MYRIP: variants seen among roughly 807,000 people sequenced by gnomAD.
MYRIP encodes rab effector MyRIP.
A neutral mutation model predicts 98.0 loss-of-function variants in MYRIP; 49 were observed. The observed-to-expected ratio is 0.50, with a 90% CI of 0.40 to 0.63. The LOEUF (loss-of-function observed/expected upper bound fraction) is 0.63, where lower values mean the gene tolerates loss of function less well. MYRIP is among the 30% of genes least tolerant of loss of function. The pLI, the probability that MYRIP is intolerant of heterozygous loss-of-function variation, is 0.00. For synonymous variants in MYRIP, 404 were observed against 409.5 expected (o/e 0.99, Z 0.16); for missense variants, 1,004 against 1,058.2 (o/e 0.95, Z 0.71).
At position 40,033,439 on chromosome 3, in the gene MYRIP, G is replaced by C. The variant is rs188992291; in HGVS notation, c.111-10611G>C. Among the ~76,000 whole-genome samples the C allele has an allele frequency of 7.7e-3, 1,168 of 152,160 alleles. 14 individuals are homozygous for C. Among genetic ancestry groups the C allele is most frequent in the African/African-American group, 0.026 (1,096 of 41,500 alleles). On this transcript the variant is annotated intron_variant, in intron 2 of 16. Coordinates refer to ENST00000302541, the MANE Select transcript of MYRIP (RefSeq NM_015460.4). ...TATACACCAATAACAGACAAACAGA[G>C]ACCCAAATCATGAGTGAACTCCCGT... is the stretch of plus-strand genomic sequence containing the variant.
In MYRIP at chr3:40,258,362, C is replaced by A; in HGVS notation, c.*196C>A. 1 of 559,488 alleles carries A rather than the reference C, an allele frequency of 1.8e-6. No individual in the cohort carries two copies. Among genetic ancestry groups the A allele is most frequent in the Non-Finnish European group, 3.2e-6 (1 of 313,326 alleles). 34.7% of individuals were successfully genotyped at this position (559,488 alleles called of 1,614,324 possible). A position where few individuals can be genotyped will look rare whatever the true frequency, so the allele number is the denominator to read the frequency against. ...CAGACTTCAGCACTGCGGTCTTGCC[C>A]ACTCTCTGCCTTAGGCTCCCAGGGG... On this transcript the variant is annotated 3_prime_UTR_variant, in exon 17 of 17. Coordinates refer to ENST00000302541, the MANE Select transcript of MYRIP (RefSeq NM_015460.4).
chr3:40,079,171 G>T (rs1053285365), intron 3 of MYRIP, among the ~76,000 whole-genome samples: 1 of 152,210 alleles, frequency 6.6e-6, no homozygotes, highest in African/African-American at 2.4e-5. Context: ...GAAGTTGACT[G>T]TTCGAAGATC....
chr3:39,985,270 AAGG>A (rs1946004682), intron 2 of MYRIP, among the ~76,000 whole-genome samples: 1 of 143,196 alleles, frequency 7.0e-6, no homozygotes, highest in South Asian at 2.4e-4. Context: ...GGACCTCTTC[AAGG>A]AGAACTACAA....
At chr3:39,882,678 G>A (rs1425012955) in intron 1 of MYRIP, among the ~76,000 whole-genome samples, 1 of 152,068 alleles carries the variant, frequency 6.6e-6, no homozygotes, top group East Asian at 1.9e-4. Flanking sequence ...GTAAAAGAAC[G>A]TTAATAATAG....
chr3:40,153,186 T>C (rs1179199308), intron 4 of MYRIP, among the ~76,000 whole-genome samples: 1 of 152,184 alleles, frequency 6.6e-6, no homozygotes, highest in Non-Finnish European at 1.5e-5. Flanking sequence ...TTTAATACTA[T>C]TTGTATCTCC....
chr3:39,812,267 C>T lies in MYRIP; in HGVS notation c.-31+2351C>T, dbSNP rs557752546. 2.0e-5 allele frequency among the ~76,000 whole-genome samples: 3 copies of T among 152,260 alleles called. No individual in the cohort carries two copies. In the East Asian group the frequency reaches 5.8e-4, roughly 29 times the overall value. ...TATCAGGTTAGTTTTATTTTTATTA[C>T]TATTGTTATTTATTTTATCATTTTA... is the stretch of plus-strand genomic sequence containing the variant. On this transcript the variant is annotated intron_variant, in intron 1 of 16. Coordinates refer to ENST00000302541, the MANE Select transcript of MYRIP (RefSeq NM_015460.4).
intron 12 of MYRIP, among the ~76,000 whole-genome samples, chr3:40,236,811 C>G (rs1015420577): frequency 6.6e-6 from 1 of 151,954 alleles, no homozygotes; most frequent in Non-Finnish European, 1.5e-5. Context: ...CTAATGAATG[C>G]TGTTCCCAGA....
chr3:40,192,917 T>C (rs950390084), intron 10 of MYRIP, among the ~76,000 whole-genome samples: 4 of 152,072 alleles, frequency 2.6e-5, no homozygotes, highest in African/African-American at 9.7e-5. Flanking sequence ...GTATAGAAAA[T>C]GCAGAATAAG....
intron 2 of MYRIP, among the ~76,000 whole-genome samples, chr3:39,940,915 TAAG>T (rs1227025128): frequency 6.6e-6 from 1 of 152,212 alleles, no homozygotes; most frequent in African/African-American, 2.4e-5. Flanking sequence ...AAAACATTGG[TAAG>T]TTGTCTTCTT....
At position 40,190,579 on chromosome 3, in the gene MYRIP, C is replaced by T. The variant is rs1186435985; in HGVS notation, c.1665+116C>T. The T allele has an allele frequency of 2.1e-6, 3 of 1,451,336 alleles. No individual in the cohort carries two copies. The East Asian group carries it at 7.5e-5, about 36-fold the overall frequency. The allele number at this position is 1,451,336 out of a possible 1,614,324, so 89.9% of individuals were successfully genotyped here. A position where few individuals can be genotyped will look rare whatever the true frequency, so the allele number is the denominator to read the frequency against. On this transcript the variant is annotated intron_variant, in intron 10 of 16. Coordinates refer to ENST00000302541, the MANE Select transcript of MYRIP (RefSeq NM_015460.4). ...GGAATCCGCAGACCCAGATTCTCAT[C>T]TTGGTTTTGCAGCTAAGTAGCTGAG...
chr3:40,203,983 AAT>A (rs1559451278), intron 10 of MYRIP, among the ~76,000 whole-genome samples: 26 of 1,630 alleles, frequency 0.016, 1 homozygote, highest in African/African-American at 0.039. Context: ...TATTATATAT[AAT>A]ATATATTATA....
intron 3 of MYRIP, among the ~76,000 whole-genome samples, chr3:40,150,521 A>G (rs968124426): frequency 1.3e-5 from 2 of 152,216 alleles, no homozygotes. Context: ...TATTTTTCCA[A>G]GATGAATTAG....
intron 1 of MYRIP, among the ~76,000 whole-genome samples, chr3:39,861,500 C>T (rs563418890): frequency 6.6e-6 from 1 of 152,144 alleles, no homozygotes; most frequent in South Asian, 2.1e-4. Context: ...ACTGAAATGG[C>T]TGAAATGACA....
chr3:39,887,935 CA>C (rs1371416820), intron 1 of MYRIP, among the ~76,000 whole-genome samples: 1 of 151,508 alleles, frequency 6.6e-6, no homozygotes, highest in African/African-American at 2.4e-5. Context: ...ACAATTGCTT[CA>C]AAGAGAATAA....
At chr3:40,013,408 AT>A (rs1946802306) in intron 2 of MYRIP, among the ~76,000 whole-genome samples, 1 of 152,240 alleles carries the variant, frequency 6.6e-6, no homozygotes, top group Admixed American at 6.5e-5. Flanking sequence ...CAGCACCCAG[AT>A]TTTAGGAGCC....
intron 3 of MYRIP, among the ~76,000 whole-genome samples, chr3:40,130,880 T>C (rs1949623897): frequency 6.6e-6 from 1 of 152,286 alleles, no homozygotes; most frequent in Non-Finnish European, 1.5e-5. Context: ...TGGCTAGTTA[T>C]ATGACCATCA....
chr3:39,891,796 C>A (rs763549586), intron 1 of MYRIP, among the ~76,000 whole-genome samples: 1 of 151,928 alleles, frequency 6.6e-6, no homozygotes, highest in Admixed American at 6.6e-5. Context: ...AATAATATAT[C>A]TTTTTAATAT....
intron 3 of MYRIP, among the ~76,000 whole-genome samples, chr3:40,146,787 A>G (rs1290184473): frequency 2.0e-5 from 3 of 152,048 alleles, no homozygotes; most frequent in African/African-American, 7.2e-5. Context: ...GCACACACAC[A>G]CACCCCACCA....
At chr3:40,136,213 A>G (rs1302336124) in intron 3 of MYRIP, among the ~76,000 whole-genome samples, 1 of 152,228 alleles carries the variant, frequency 6.6e-6, no homozygotes, top group Non-Finnish European at 1.5e-5. Context: ...TGGAAAACAA[A>G]AAAAGGCAGG....
Sources: gnomAD v4.1 joint callset for allele counts (sites outside exome capture counted in the v4.1 genomes callset) on GRCh38, gnomAD v4.1.1 for gene constraint, MANE v1.5 for transcripts, NCBI Gene and HGNC (gene_info 2026-07-23, HGNC 2026-07-21) for gene names.